Variants in MIA2 observed in about 807,000 individuals in gnomAD.
The protein encoded by MIA2 is melanoma inhibitory activity protein 2.
Under a neutral mutation model 167.8 loss-of-function variants are expected in MIA2, and 127 were observed. That is an observed-to-expected ratio of 0.76 (90% CI 0.66 to 0.88). The LOEUF (loss-of-function observed/expected upper bound fraction) is 0.88, where lower values mean the gene tolerates loss of function less well. Among genes scored for constraint, MIA2 ranks in the 40% least tolerant of loss-of-function variants. The pLI is 0.00. For synonymous variants in MIA2, 552 were observed against 541.9 expected, an observed-to-expected ratio of 1.02 and a Z score of -0.26; for missense variants, 1,690 against 1,624.7, an observed-to-expected ratio of 1.04 and a Z score of -0.69.
chr14:39,269,081 T>TTTTTTTTTTG, intron 6 of MIA2: 2 of 809,784 alleles, frequency 2.5e-6, no homozygotes, highest in Non-Finnish European at 2.9e-6. Context: ...ACAGTTTTTT[T>TTTTTTTTTTG]TTTTTTTTTT....
chr14:39,370,926 C>A (rs986078742), intron 23 of MIA2, among the ~76,000 whole-genome samples: 6 of 152,314 alleles, frequency 3.9e-5, no homozygotes, highest in Admixed American at 3.9e-4. Flanking sequence ...AATCCAAGGC[C>A]ATCACCAAAG....
intron 11 of MIA2, 73 bp from the exon 12 acceptor site, chr14:39,293,922 TAACAG>T: frequency 9.2e-7 from 1 of 1,089,620 alleles, no homozygotes; most frequent in Non-Finnish European, 1.4e-6. Flanking sequence ...AGTGTTAGGT[TAACAG>T]TATATCTAAT....
intron 21 of MIA2, among the ~76,000 whole-genome samples, chr14:39,316,065 C>T (rs2065363679): frequency 6.6e-6 from 1 of 152,166 alleles, no homozygotes; most frequent in South Asian, 2.1e-4. Context: ...CCTATTTCCT[C>T]ATTTGTGTAA....
rs1213321647 is a variant in MIA2 at position 39,275,628 on chromosome 14, T to A, written c.1888-1306T>A. ...CACAATTTTTGAGTTAGTGTGCGTC[T>A]TATGTGTTGAATACATTAGCTAAAA... On this transcript the variant is annotated intron_variant, in intron 6 of 28. Transcript: ENST00000640607. 3.3e-5 allele frequency among the ~76,000 whole-genome samples: 5 copies of A among 152,250 alleles called. No homozygotes were observed. The East Asian group carries it at 9.6e-4, about 29-fold the overall frequency.
At chr14:39,356,651 A>G (rs72784833) in intron 23 of MIA2, among the ~76,000 whole-genome samples, 32 of 152,032 alleles carry the variant, frequency 2.1e-4, no homozygotes, top group African/African-American at 7.7e-4. Flanking sequence ...TTAGGGTGTC[A>G]ATTTTAGAAC....
intron 2 of MIA2, among the ~76,000 whole-genome samples, chr14:39,237,970 C>G (rs1227181155): frequency 1.3e-5 from 2 of 151,958 alleles, no homozygotes; most frequent in Admixed American, 6.6e-5. Flanking sequence ...AAACTCCTGA[C>G]CTCAGGTGAT....
chr14:39,379,416 A>T (rs572428615), intron 23 of MIA2, among the ~76,000 whole-genome samples: 1 of 152,244 alleles, frequency 6.6e-6, no homozygotes, highest in African/African-American at 2.4e-5. Flanking sequence ...ACCTTAATTT[A>T]AAACCTTAAA....
chr14:39,256,780 G>A (rs1295525315), intron 6 of MIA2, among the ~76,000 whole-genome samples: 2 of 152,068 alleles, frequency 1.3e-5, no homozygotes, highest in African/African-American at 4.8e-5. Flanking sequence ...AGTAAAAAAA[G>A]AAAATATAGA....
chr14:39,348,656 T>C, intron 27 of MIA2, 87 bp from the exon 28 acceptor site: 3 of 1,536,076 alleles, frequency 2.0e-6, no homozygotes, highest in South Asian at 2.2e-5. Flanking sequence ...GCTTTCTGTC[T>C]AGATGATTTC....
At chr14:39,300,822 A>T (rs1472784046) in intron 14 of MIA2, among the ~76,000 whole-genome samples, 1 of 152,068 alleles carries the variant, frequency 6.6e-6, no homozygotes, top group Non-Finnish European at 1.5e-5. Flanking sequence ...ATAATAAAAA[A>T]TAGTATAAAG....
Position 39,247,793 on chromosome 14 carries a change from G to A in MIA2, c.1219G>A (p.Gly407Arg), listed in dbSNP as rs1325006327. The A allele has an allele frequency of 1.8e-5, 29 of 1,612,822 alleles. No homozygotes were observed. Among genetic ancestry groups the A allele is most frequent in the Middle Eastern group, 3.3e-4 (2 of 6,070 alleles). The change falls in exon 4 of 29, where the codon GGG (glycine) becomes AGG (arginine). Residue 407 changes from glycine (G) to arginine (R), a missense_variant. Physicochemically the swap from Gly to Arg is moderately radical, Grantham distance 125 (BLOSUM62 -2). Transcript: ENST00000640607. ...TGACAGGAAAAATGAAGAAGATGGTGGGGCAGATGAACATGAACATCCTCT... is the reference window on the plus strand; with the variant it reads ...TGACAGGAAAAATGAAGAAGATGGTAGGGCAGATGAACATGAACATCCTCT... ...LDDRKNEEDG[G>R]ADEHEHPLTS... is the part of the protein sequence containing the mutation.
chr14:39,365,075 T>G (rs1368703289), intron 23 of MIA2, among the ~76,000 whole-genome samples: 1 of 129,852 alleles, frequency 7.7e-6, no homozygotes, highest in African/African-American at 4.6e-5. Flanking sequence ...GGTTTTGTTG[T>G]TTTTTTTTGT....
Position 39,240,597 on chromosome 14 carries a change from G to A in MIA2, c.286G>A (p.Val96Ile). ...KEFGYFPRDAVQIEEVFISEE... is the reference protein window; with the variant it reads ...KEFGYFPRDAIQIEEVFISEE... ...GTTTGGATATTTTCCCAGAGATGCA[G>A]TCCAGATTGAAGAGGTGTTCATATC... The change falls in exon 3 of 29, where the codon GTC (valine) becomes ATC (isoleucine). Residue 96 changes from valine to isoleucine, a missense_variant. Val to Ile is a conservative substitution (Grantham distance 29). Transcript: ENST00000640607. The A allele has an allele frequency of 1.9e-6, 3 of 1,613,380 alleles. No homozygotes were observed. Among genetic ancestry groups the A allele is most frequent in the African/African-American group, 1.3e-5 (1 of 75,024 alleles).
At chr14:39,273,290 A>G (rs988157233) in intron 6 of MIA2, among the ~76,000 whole-genome samples, 2 of 142,168 alleles carry the variant, frequency 1.4e-5, no homozygotes, top group African/African-American at 2.6e-5. Context: ...TAGGTTTTGC[A>G]TAGATGTTTC....
intron 6 of MIA2, among the ~76,000 whole-genome samples, chr14:39,276,037 GA>G (rs2057955446): frequency 6.6e-6 from 1 of 152,200 alleles, no homozygotes; most frequent in Non-Finnish European, 1.5e-5. Context: ...GTTAAAGCCT[GA>G]AAAGAATCAA....
intron 23 of MIA2, among the ~76,000 whole-genome samples, chr14:39,380,366 A>G (rs975455193): frequency 1.3e-5 from 2 of 152,160 alleles, no homozygotes; most frequent in African/African-American, 2.4e-5. Flanking sequence ...TGACATCTCA[A>G]AATATAGAGA....
At chr14:39,245,960 G>C (rs2054283778) in intron 3 of MIA2, among the ~76,000 whole-genome samples, 1 of 152,144 alleles carries the variant, frequency 6.6e-6, no homozygotes, top group African/African-American at 2.4e-5. Flanking sequence ...TTCAGTCAGT[G>C]TGTTCTTAGG....
intron 14 of MIA2, 107 bp downstream of exon 14, chr14:39,300,093 A>C: frequency 7.0e-7 from 1 of 1,420,012 alleles, no homozygotes; most frequent in Non-Finnish European, 9.5e-7. Flanking sequence ...ACATATTTTC[A>C]TAACATATTT....
At chr14:39,314,282 G>T (rs1476164424) in intron 19 of MIA2, among the ~76,000 whole-genome samples, 1 of 151,804 alleles carries the variant, frequency 6.6e-6, no homozygotes, top group Non-Finnish European at 1.5e-5. Flanking sequence ...AGCTACTCAG[G>T]AGACTGGTGC....
Sources: gnomAD v4.1 joint callset for allele counts (sites outside exome capture counted in the v4.1 genomes callset) on GRCh38, gnomAD v4.1.1 for gene constraint, MANE v1.5 for transcripts, NCBI Gene and HGNC (gene_info 2026-07-23, HGNC 2026-07-21) for gene names.